Variants in TMED10 observed in about 807,000 individuals in gnomAD.
The protein encoded by TMED10 is transmembrane emp24 domain-containing protein 10.
In TMED10, 7 loss-of-function variants were observed where a neutral mutation model predicts 23.1. The ratio of observed to expected loss-of-function variants is 0.30; its 90% CI spans 0.17 to 0.57. The LOEUF (loss-of-function observed/expected upper bound fraction) is 0.57. Among genes scored for constraint, TMED10 ranks in the 20% least tolerant of loss-of-function variants. The pLI, the probability that TMED10 is intolerant of heterozygous loss-of-function variation, is 0.91. For missense variants in TMED10, 162 were observed against 274.8 expected (o/e 0.59, Z 2.90); for synonymous variants, 113 against 106.9 (o/e 1.06, Z -0.35).
chr14:75,167,752 G>A (rs1045923371), intron 1 of TMED10, among the ~76,000 whole-genome samples: 1 of 152,020 alleles, frequency 6.6e-6, no homozygotes, highest in Admixed American at 6.6e-5. Context: ...CAGTGCTGTG[G>A]GAGGATCACT....
At position 75,131,715 on chromosome 14, in the gene TMED10, G is replaced by A. The variant is rs1162103277; in HGVS notation, c.*3170C>T. 6.6e-6 allele frequency: 1 copy of A among 152,258 alleles called. No individual in the cohort carries two copies. Among genetic ancestry groups the A allele is most frequent in the Non-Finnish European group, 1.5e-5 (1 of 68,032 alleles). The allele number at this position is 152,258 out of a possible 1,614,324, so 9.4% of individuals were successfully genotyped here. ...AAAGCACATAACACCCGATTTTAAA[G>A]CTTATTTGCTCTTGTGTCAGTCTTT... On this transcript the variant is annotated 3_prime_UTR_variant, in exon 5 of 5. Transcript: ENST00000303575.
chr14:75,151,280 A>C (rs1307892772), intron 2 of TMED10, among the ~76,000 whole-genome samples: 3 of 150,762 alleles, frequency 2.0e-5, no homozygotes, highest in Admixed American at 6.6e-5. Context: ...GAGTGCAGTG[A>C]CACAATCTTG....
intron 1 of TMED10, among the ~76,000 whole-genome samples, chr14:75,160,481 G>T (rs1896072683): frequency 6.7e-6 from 1 of 149,594 alleles, no homozygotes; most frequent in Non-Finnish European, 1.5e-5. Context: ...GAAGTGAGAG[G>T]TTTTTTTTTT....
chr14:75,137,527 T>C (rs77715189), intron 3 of TMED10, among the ~76,000 whole-genome samples: 1 of 146,188 alleles, frequency 6.8e-6, no homozygotes, highest in Non-Finnish European at 1.5e-5. Context: ...AAAAAAAAAA[T>C]AGCTGGGCGT....
At chr14:75,163,817 G>A (rs1471108886) in intron 1 of TMED10, among the ~76,000 whole-genome samples, 2 of 151,570 alleles carry the variant, frequency 1.3e-5, no homozygotes, top group Non-Finnish European at 2.9e-5. Flanking sequence ...TTTAGATAGG[G>A]TCTCACTGTG....
chr14:75,154,237 CAA>C (rs78523802), intron 1 of TMED10, among the ~76,000 whole-genome samples: 149 of 122,778 alleles, frequency 1.2e-3, no homozygotes, highest in Admixed American at 1.8e-3. Context: ...ACTAAAAATA[CAA>C]AAAAAAAAAA....
chr14:75,149,833 G>A (rs1372838313), intron 2 of TMED10, among the ~76,000 whole-genome samples: 8 of 117,960 alleles, frequency 6.8e-5, no homozygotes, highest in Non-Finnish European at 1.2e-4. Context: ...GGATGGGCAC[G>A]GTGGCTCATG....
At chr14:75,159,684 A>G (rs1896063974) in intron 1 of TMED10, among the ~76,000 whole-genome samples, 1 of 152,242 alleles carries the variant, frequency 6.6e-6, no homozygotes, top group African/African-American at 2.4e-5. Context: ...AGTCATTGCT[A>G]AAAGTACCTT....
At chr14:75,152,332 C>T (rs175427) in intron 1 of TMED10, among the ~76,000 whole-genome samples, 189 bp from the exon 2 acceptor site, 150,652 of 152,320 alleles carry the variant, frequency 0.99, 74,513 homozygotes, top group East Asian at 1. Context: ...CAAATTTCAT[C>T]CATTCAAATA....
intron 3 of TMED10, among the ~76,000 whole-genome samples, chr14:75,144,219 A>G (rs1171301823): frequency 6.6e-6 from 1 of 152,222 alleles, no homozygotes; most frequent in Non-Finnish European, 1.5e-5. Flanking sequence ...CTGCACAGAC[A>G]GTAAGTCCCT....
chr14:75,142,200 G>C (rs1257832780), intron 3 of TMED10, among the ~76,000 whole-genome samples: 1 of 152,098 alleles, frequency 6.6e-6, no homozygotes, highest in East Asian at 1.9e-4. Context: ...CTCCAATAGG[G>C]GGTGATATCC....
chr14:75,170,213 G>A (rs1003743088), intron 1 of TMED10, among the ~76,000 whole-genome samples: 5 of 152,116 alleles, frequency 3.3e-5, no homozygotes, highest in Admixed American at 1.3e-4. Context: ...GGGTGAAAGC[G>A]AGACTCCATC....
At chr14:75,142,734 C>G (rs1416911058) in intron 3 of TMED10, among the ~76,000 whole-genome samples, 1 of 152,178 alleles carries the variant, frequency 6.6e-6, no homozygotes, top group African/African-American at 2.4e-5. Context: ...TTGTAATTGA[C>G]CTGTTCTGCC....
chr14:75,135,046 G>A, intron 4 of TMED10, 40 bp from the exon 5 acceptor site: 2 of 1,609,834 alleles, frequency 1.2e-6, no homozygotes, highest in South Asian at 2.2e-5. Context: ...AATGAAGTGA[G>A]CCTCCTCAGC....
At chr14:75,154,019 C>A (rs1485998982) in intron 1 of TMED10, among the ~76,000 whole-genome samples, 1 of 151,104 alleles carries the variant, frequency 6.6e-6, no homozygotes. Context: ...ATCCAACCCG[C>A]CTCGGCTTCC....
chr14:75,131,942 TCTC>T lies in TMED10; in HGVS notation c.*2940_*2942del, dbSNP rs369561389. The T allele has an allele frequency of 1.0e-3, 154 of 152,660 alleles. No individual in the cohort carries two copies. Among genetic ancestry groups the T allele is most frequent in the African/African-American group, 3.5e-3 (145 of 41,558 alleles). 9.5% of individuals were successfully genotyped at this position (152,660 alleles called of 1,614,324 possible). A position where few individuals can be genotyped will look rare whatever the true frequency, so the allele number is the denominator to read the frequency against. ...GCATCAACGAAATAAAATATTCTCTTCTCCTATCTTCTTGACATTTTGTCACAT... is the reference window on the plus strand; with the variant it reads ...GCATCAACGAAATAAAATATTCTCTTCTATCTTCTTGACATTTTGTCACAT... On this transcript the variant is annotated 3_prime_UTR_variant, in exon 5 of 5. Transcript: ENST00000303575.
intron 1 of TMED10, among the ~76,000 whole-genome samples, chr14:75,169,984 T>C (rs1327438749): frequency 6.6e-6 from 1 of 151,796 alleles, no homozygotes; most frequent in African/African-American, 2.4e-5. Context: ...TCCCAGCACT[T>C]TGGGAGGCAG....
At chr14:75,164,263 G>A (rs117777040) in intron 1 of TMED10, among the ~76,000 whole-genome samples, 2,482 of 116,036 alleles carry the variant, frequency 0.021, 22 homozygotes, top group Non-Finnish European at 0.03. Context: ...ACAGAGATTT[G>A]CACTGTTGCT....
At chr14:75,169,871 T>C (rs1594875766) in intron 1 of TMED10, among the ~76,000 whole-genome samples, 1 of 151,432 alleles carries the variant, frequency 6.6e-6, no homozygotes, top group African/African-American at 2.4e-5. Context: ...CACTTAGGAG[T>C]TGCACTCCAG....
Sources: gnomAD v4.1 joint callset for allele counts (sites outside exome capture counted in the v4.1 genomes callset) on GRCh38, gnomAD v4.1.1 for gene constraint, MANE v1.5 for transcripts, NCBI Gene and HGNC (gene_info 2026-07-23, HGNC 2026-07-21) for gene names.